SUGCT: variants seen among roughly 807,000 people sequenced by gnomAD.
The protein encoded by SUGCT is succinyl-CoA:glutarate-CoA transferase.
Under a neutral mutation model 55.0 loss-of-function variants are expected in SUGCT, and 41 were observed. The observed-to-expected ratio is 0.74, with a 90% CI of 0.58 to 0.97. The LOEUF is 0.97. Ranked by LOEUF, SUGCT falls within the 50% of genes least tolerant of loss-of-function variation. The pLI is 0.00. For missense variants in SUGCT, 568 were observed against 547.8 expected, an observed-to-expected ratio of 1.04 and a Z score of -0.37; for synonymous variants, 187 against 200.4, an observed-to-expected ratio of 0.93 and a Z score of 0.56.
chr7:40,151,876 C>T (rs1788595684), intron 1 of SUGCT, among the ~76,000 whole-genome samples: 1 of 152,164 alleles, frequency 6.6e-6, no homozygotes, highest in Non-Finnish European at 1.5e-5. Context: ...CTAAGGATAA[C>T]TTGGCAGGTT....
At chr7:40,259,917 T>C (rs1490612836) in intron 7 of SUGCT, among the ~76,000 whole-genome samples, 1 of 152,224 alleles carries the variant, frequency 6.6e-6, no homozygotes, top group Admixed American at 6.5e-5. Flanking sequence ...AGCAATAGGA[T>C]AGTGGATCTC....
At chr7:40,332,915 T>C (rs1213425578) in intron 9 of SUGCT, among the ~76,000 whole-genome samples, 1 of 152,094 alleles carries the variant, frequency 6.6e-6, no homozygotes, top group Non-Finnish European at 1.5e-5. Context: ...GATTTAGTGG[T>C]GTATTGGATG....
intron 9 of SUGCT, among the ~76,000 whole-genome samples, chr7:40,337,833 C>A (rs1159038380): frequency 6.6e-6 from 1 of 152,088 alleles, no homozygotes; most frequent in East Asian, 1.9e-4. Context: ...GATGCAGTTT[C>A]TTCCTAGCCT....
intron 12 of SUGCT, among the ~76,000 whole-genome samples, chr7:40,527,948 GC>G (rs1284507736): frequency 6.6e-6 from 1 of 152,096 alleles, no homozygotes; most frequent in African/African-American, 2.4e-5. Context: ...TAAACTCAGT[GC>G]CCTTGCATTT....
At chr7:40,952,039 T>C in the SUGCT span, among the ~76,000 whole-genome samples, 1 of 152,220 alleles carries the variant, frequency 6.6e-6, no homozygotes, top group African/African-American at 2.4e-5. Flanking sequence ...ATCTGTCTAA[T>C]GTTGGCAGTG....
intron 6 of SUGCT, among the ~76,000 whole-genome samples, chr7:40,231,464 A>T (rs1788722098): frequency 6.6e-6 from 1 of 152,190 alleles, no homozygotes; most frequent in African/African-American, 2.4e-5. Flanking sequence ...AAATATCATA[A>T]AATGCTAGAG....
intron 9 of SUGCT, among the ~76,000 whole-genome samples, chr7:40,417,345 A>T (rs1180341645): frequency 6.6e-6 from 1 of 151,752 alleles, no homozygotes; most frequent in African/African-American, 2.4e-5. Context: ...CAGGGCATAC[A>T]TTTTTCTATA....
the SUGCT span, among the ~76,000 whole-genome samples, chr7:40,914,326 G>A: frequency 1.5e-5 from 2 of 134,886 alleles, no homozygotes; most frequent in African/African-American, 2.9e-5. Context: ...TGTGCACATT[G>A]TGCAGGTTAG....
intron 12 of SUGCT, among the ~76,000 whole-genome samples, chr7:40,509,770 A>G (rs1225778344): frequency 6.6e-6 from 1 of 152,102 alleles, no homozygotes; most frequent in Non-Finnish European, 1.5e-5. Context: ...GTTTGCTGGT[A>G]TTTGAATTCT....
At chr7:40,510,954 A>C (rs927558108) in intron 12 of SUGCT, among the ~76,000 whole-genome samples, 4 of 152,142 alleles carry the variant, frequency 2.6e-5, no homozygotes, top group African/African-American at 7.2e-5. Context: ...GAGCTCCAGG[A>C]AGAGAAAACA....
intron 12 of SUGCT, among the ~76,000 whole-genome samples, chr7:40,532,127 G>GA (rs1442209479): frequency 6.6e-6 from 1 of 152,218 alleles, no homozygotes; most frequent in African/African-American, 2.4e-5. Flanking sequence ...GTCTCATACA[G>GA]ATGTTCATCT....
At chr7:41,016,959 C>G in the SUGCT span, among the ~76,000 whole-genome samples, 1 of 152,204 alleles carries the variant, frequency 6.6e-6, no homozygotes, top group African/African-American at 2.4e-5. Flanking sequence ...TTTGGATTCA[C>G]AGCTGACTTA....
intron 12 of SUGCT, among the ~76,000 whole-genome samples, chr7:40,692,059 C>T (rs751550329): frequency 5.3e-5 from 8 of 152,114 alleles, no homozygotes; most frequent in East Asian, 3.9e-4. Context: ...TGTGCTGTTT[C>T]GCTGTATCAC....
chr7:40,552,762 A>AACC (rs1795364859), intron 12 of SUGCT, among the ~76,000 whole-genome samples: 1 of 40,966 alleles, frequency 2.4e-5, no homozygotes, highest in African/African-American at 9.6e-5. Flanking sequence ...CCAGCCCCCC[A>AACC]TCCCCACCCC....
chr7:40,209,362 G>T (rs372350435), intron 6 of SUGCT, among the ~76,000 whole-genome samples: 10 of 152,118 alleles, frequency 6.6e-5, no homozygotes, highest in African/African-American at 1.4e-4. Context: ...GCCGAGCGTG[G>T]TGGCACTTGC....
chr7:40,489,890 G>A (rs1220388268), intron 11 of SUGCT, among the ~76,000 whole-genome samples: 2 of 152,176 alleles, frequency 1.3e-5, no homozygotes, highest in African/African-American at 4.8e-5. Context: ...TTTGATGCCT[G>A]TGAATTGAAG....
At chr7:40,713,842 A>C (rs1236798844) in intron 12 of SUGCT, among the ~76,000 whole-genome samples, 1 of 152,166 alleles carries the variant, frequency 6.6e-6, no homozygotes, top group Non-Finnish European at 1.5e-5. Flanking sequence ...TCCCCATCAC[A>C]TCATGCATAA....
chr7:40,995,637 TA>T, the SUGCT span, among the ~76,000 whole-genome samples: 2 of 152,032 alleles, frequency 1.3e-5, no homozygotes, highest in African/African-American at 2.4e-5. Flanking sequence ...ATTACTTCAA[TA>T]TTTTTTTCTC....
intron 6 of SUGCT, 122 bp downstream of exon 6, chr7:40,195,182 C>A: frequency 3.5e-6 from 4 of 1,133,264 alleles, no homozygotes; most frequent in African/African-American, 1.6e-5. Flanking sequence ...TTCCTTTTTC[C>A]AAGGCCGTTT....
Sources: allele counts gnomAD v4.1 joint callset (sites outside exome capture counted in the v4.1 genomes callset), GRCh38; gene constraint gnomAD v4.1.1; transcripts MANE v1.5; gene names NCBI Gene and HGNC (gene_info 2026-07-23, HGNC 2026-07-21).